The following CYTH1 variants were observed in gnomAD, a reference collection of about 807,000 sequenced individuals.
CYTH1 encodes the protein cytohesin 1, also known as cytohesin-1.
In CYTH1, 18 loss-of-function variants were observed where a neutral mutation model predicts 61.8. The ratio of observed to expected loss-of-function variants is 0.29; its 90% CI spans 0.20 to 0.43. The LOEUF is 0.43. Among genes scored for constraint, CYTH1 ranks in the 20% least tolerant of loss-of-function variants. The pLI is 1.00. For synonymous variants in CYTH1, 174 were observed against 184.3 expected (o/e 0.94, Z 0.45); for missense variants, 336 against 510.5 (o/e 0.66, Z 3.29).
chr17:78,747,145 CAA>C (rs56201341), intron 1 of CYTH1, among the ~76,000 whole-genome samples: 4,416 of 57,634 alleles, frequency 0.077, 101 homozygotes, highest in South Asian at 0.29. Flanking sequence ...ATGGCAGCGC[CAA>C]AAAAAAAAAA....
At chr17:78,676,430 A>AT in intron 13 of CYTH1, 1 of 495,860 alleles carries the variant, frequency 2.0e-6, no homozygotes, top group Non-Finnish European at 3.6e-6. Context: ...ATCAATTCAC[A>AT]TTTAGGAACA....
chr17:78,742,358 T>C (rs2093344811), intron 1 of CYTH1, among the ~76,000 whole-genome samples: 1 of 152,212 alleles, frequency 6.6e-6, no homozygotes, highest in South Asian at 2.1e-4. Context: ...GCCCAGGAGT[T>C]TGAGACTAGC....
chr17:78,703,412 A>G (rs1026574021), intron 3 of CYTH1, among the ~76,000 whole-genome samples: 2 of 36,386 alleles, frequency 5.5e-5, no homozygotes, highest in South Asian at 1.8e-3. Flanking sequence ...CTCCGTCTCC[A>G]AAAAAAAAAA....
chr17:78,680,614 C>G (rs986055865), intron 12 of CYTH1, among the ~76,000 whole-genome samples: 2 of 152,170 alleles, frequency 1.3e-5, no homozygotes, highest in Non-Finnish European at 2.9e-5. Context: ...AGGTGACTCA[C>G]GACTTTAACT....
At chr17:78,685,553 A>C (rs2092808204) in intron 11 of CYTH1, among the ~76,000 whole-genome samples, 1 of 152,192 alleles carries the variant, frequency 6.6e-6, no homozygotes, top group African/African-American at 2.4e-5. Flanking sequence ...TTAGTTCCAT[A>C]CTTAAGTATA....
chr17:78,724,913 A>G (rs1343445821), intron 1 of CYTH1, among the ~76,000 whole-genome samples: 1 of 152,238 alleles, frequency 6.6e-6, no homozygotes, highest in Non-Finnish European at 1.5e-5. Context: ...CCATAGTGTG[A>G]ACAATTTTCT....
At chr17:78,747,987 T>G (rs1166915673) in intron 1 of CYTH1, among the ~76,000 whole-genome samples, 6 of 152,212 alleles carry the variant, frequency 3.9e-5, no homozygotes, top group African/African-American at 7.2e-5. Context: ...TGTACTTTCA[T>G]TTTCAATAAA....
chr17:78,717,830 C>T lies in CYTH1; in HGVS notation c.23-8098G>A, dbSNP rs757474703. ...GTCAAATGAACGTGTCCAAGGCATG[C>T]TTTAGGACCAGGATGTCTCTTTGAG... On this transcript the variant is annotated intron_variant, in intron 1 of 13. Transcript: ENST00000446868. This position sits in a 1 kb window ranked among gnomAD's most constrained non-coding sequence, Gnocchi z 4.4. Among the ~76,000 whole-genome samples the T allele has an allele frequency of 6.6e-6, 1 of 152,130 alleles. No individual in the cohort carries two copies. Among genetic ancestry groups the T allele is most frequent in the Non-Finnish European group, 1.5e-5 (1 of 68,018 alleles).
chr17:78,693,753 G>A (rs973676843), intron 10 of CYTH1, among the ~76,000 whole-genome samples: 4 of 151,998 alleles, frequency 2.6e-5, no homozygotes, highest in African/African-American at 9.7e-5. Context: ...GTCAAATCGG[G>A]ACCACAGGCT....
chr17:78,701,974 C>A, intron 5 of CYTH1, 148 bp downstream of exon 5: 1 of 779,074 alleles, frequency 1.3e-6, no homozygotes, highest in East Asian at 2.5e-5. Flanking sequence ...TCACTATTCC[C>A]CAGAAAAGCC....
intron 1 of CYTH1, among the ~76,000 whole-genome samples, chr17:78,728,220 C>G (rs531590713): frequency 1.3e-5 from 2 of 152,266 alleles, no homozygotes; most frequent in East Asian, 3.9e-4. Context: ...CCCCAGTAAT[C>G]AAAGTTCTCG....
chr17:78,776,828 A>T (rs77995330), intron 1 of CYTH1, among the ~76,000 whole-genome samples: 8,800 of 150,742 alleles, frequency 0.058, 479 homozygotes, highest in African/African-American at 0.14. Context: ...TTTTTTTTTA[A>T]AAAAAGAAAC....
rs1260290317 is a variant in CYTH1, at chr17:78,692,276, C to T, written c.891+141G>A. 5 of 858,770 alleles carry T rather than the reference C, an allele frequency of 5.8e-6. No individual in the cohort carries two copies. The East Asian group carries it at 7.5e-5, about 13-fold the overall frequency. The allele number at this position is 858,770 out of a possible 1,614,324, so 53.2% of individuals were successfully genotyped here. A position where few individuals can be genotyped will look rare whatever the true frequency, so the allele number is the denominator to read the frequency against. On this transcript the variant is annotated intron_variant, in intron 11 of 13. Transcript: ENST00000446868. ...ATTCTGAGATTTACTTCAGTTCTTGCACTTTGCTTAAACTCTCCCCCATCC... is the reference window on the plus strand; with the variant it reads ...ATTCTGAGATTTACTTCAGTTCTTGTACTTTGCTTAAACTCTCCCCCATCC...
At chr17:78,763,601 TAATA>T (rs140362774) in intron 1 of CYTH1, among the ~76,000 whole-genome samples, 3,114 of 152,226 alleles carry the variant, frequency 0.02, 95 homozygotes, top group South Asian at 0.15. Flanking sequence ...AAGAACATTA[TAATA>T]AATAATAAAG....
intron 1 of CYTH1, among the ~76,000 whole-genome samples, chr17:78,745,253 G>C (rs1445190711): frequency 6.6e-6 from 1 of 152,032 alleles, no homozygotes. Context: ...GCCCCTTCAG[G>C]ACCCACCATC....
At chr17:78,751,060 T>C (rs976252231) in intron 1 of CYTH1, among the ~76,000 whole-genome samples, 5 of 151,938 alleles carry the variant, frequency 3.3e-5, no homozygotes, top group African/African-American at 1.2e-4. Context: ...CCTGGCTCAC[T>C]GCAACCTCTA....
intron 1 of CYTH1, among the ~76,000 whole-genome samples, chr17:78,771,396 C>T (rs2093470747): frequency 6.6e-6 from 1 of 152,062 alleles, no homozygotes; most frequent in Non-Finnish European, 1.5e-5. Flanking sequence ...GCCAAGATCA[C>T]GCCACTGCCC....
At chr17:78,749,644 T>C (rs183699569) in intron 1 of CYTH1, among the ~76,000 whole-genome samples, 242 of 149,500 alleles carry the variant, frequency 1.6e-3, no homozygotes, top group Non-Finnish European at 3.0e-3. Context: ...AAAATAATAA[T>C]AACAAATAAA....
At chr17:78,692,745 G>C (rs1567833480) in intron 10 of CYTH1, among the ~76,000 whole-genome samples, 4 of 152,014 alleles carry the variant, frequency 2.6e-5, no homozygotes, top group Admixed American at 1.3e-4. Context: ...CGGGACGGCA[G>C]GATGAGCATG....
Sources: gnomAD v4.1 joint callset for allele counts (sites outside exome capture counted in the v4.1 genomes callset) on GRCh38, gnomAD v4.1.1 for gene constraint, Gnocchi (gnomAD v3.1) non-coding constraint, MANE v1.5 for transcripts, NCBI Gene and HGNC (gene_info 2026-07-23, HGNC 2026-07-21) for gene names.